The following DYNC1H1 variants were observed in gnomAD, a reference collection of about 807,000 sequenced individuals.
The protein encoded by DYNC1H1 is dynein cytoplasmic 1 heavy chain 1.
In DYNC1H1, 51 loss-of-function variants were observed where a neutral mutation model predicts 527.1. The observed-to-expected ratio is 0.10, with a 90% CI of 0.08 to 0.12. The LOEUF (loss-of-function observed/expected upper bound fraction) is 0.12. Among genes scored for constraint, DYNC1H1 ranks in the 10% least tolerant of loss-of-function variants. The probability of loss-of-function intolerance (pLI) is 1.00; values close to 1 mark genes in which losing one functional copy is unlikely to be tolerated. For missense variants in DYNC1H1, 2,771 were observed against 5,971.8 expected (o/e 0.46, Z 17.66); for synonymous variants, 2,189 against 2,278.8 (o/e 0.96, Z 1.12).
chr14:101,975,848 A>C (rs774675218), intron 2 of DYNC1H1, 49 bp downstream of exon 2: 1 of 1,357,124 alleles, frequency 7.4e-7, no homozygotes, highest in Non-Finnish European at 1.0e-6. Flanking sequence ...ATTTGTGAGA[A>C]TTAATATGAA....
Position 102,038,419 on chromosome 14 carries a change from A to G in DYNC1H1, c.10909-41A>G. ...ATAGCATTTGGGTGAAGATAAAGTTACAAAGCCCTGACCATCAAGTTCCAC... is the reference window on the plus strand; with the variant it reads ...ATAGCATTTGGGTGAAGATAAAGTTGCAAAGCCCTGACCATCAAGTTCCAC... On this transcript the variant is annotated intron_variant, in intron 57 of 77. Transcript: ENST00000360184. The surrounding 1 kb of genome is among the most constrained non-coding windows in gnomAD (Gnocchi z 7.2). The G allele has an allele frequency of 6.2e-7, 1 of 1,612,054 alleles. No individual in the cohort carries two copies.
Position 102,002,804 on chromosome 14 carries a change from G to A in DYNC1H1, c.4722G>A (p.Glu1574=), listed in dbSNP as rs754521119. 32 of 1,614,124 alleles carry A rather than the reference G, an allele frequency of 2.0e-5. No individual in the cohort carries two copies. In the Admixed American group the frequency reaches 4.2e-4, roughly 21 times the overall value. The part of the protein sequence containing the change: ...ETQRFQSIST[E]FLALMKKVSK... ...ATTTCATTTGTAGCATCAGCACTGA[G>A]TTTTTGGCTCTAATGAAAAAAGTGT... Residue 1574 remains glutamate (E), a synonymous_variant, in exon 23 of 78, where the codon GAG becomes GAA. Coordinates refer to ENST00000360184, the MANE Select transcript of DYNC1H1 (RefSeq NM_001376.5). The surrounding 1 kb of genome is among the most constrained non-coding windows in gnomAD (Gnocchi z 4.4).
rs751339671 is a variant in DYNC1H1, at chr14:102,018,557, C to T, written c.8284C>T (p.Leu2762=). 4 of 1,614,000 alleles carry T rather than the reference C, an allele frequency of 2.5e-6. No individual in the cohort carries two copies. The South Asian group carries it at 3.3e-5, about 13-fold the overall frequency. Residue 2762 remains leucine (L), a synonymous_variant, in exon 41 of 78, where the codon CTG becomes TTG. Transcript: ENST00000360184. This position sits in a 1 kb window ranked among gnomAD's most constrained non-coding sequence, Gnocchi z 5.2. ...CGCCATGCTGAGGCTCATTCCATCC[C>T]TGCGGACGTATGCAGAGCCGCTCAC... ...NRAMLRLIPS[L]RTYAEPLTAA...
chr14:102,016,351 A>G lies in DYNC1H1; in HGVS notation c.7476A>G (p.Arg2492=), dbSNP rs1050550035. 4 of 1,614,002 alleles carry G rather than the reference A, an allele frequency of 2.5e-6. No individual in the cohort carries two copies. Among genetic ancestry groups the G allele is most frequent in the African/African-American group, 2.7e-5 (2 of 74,864 alleles). ...AAGTTTAATTCCCTTTTTAATAGCG[A>G]TATCTGGTTTATGCCATACTCTGGT... is the stretch of plus-strand genomic sequence containing the variant. ...QIEQLERYIQ[R]YLVYAILWSL... is the part of the protein sequence containing the mutation. The change falls in exon 37 of 78, where the codon CGA becomes CGG. Residue 2492 remains arginine, a splice_region_variant and synonymous_variant. Coordinates refer to ENST00000360184, the MANE Select transcript of DYNC1H1 (RefSeq NM_001376.5). This position sits in a 1 kb window ranked among gnomAD's most constrained non-coding sequence, Gnocchi z 7.3.
intron 43 of DYNC1H1, 33 bp downstream of exon 43, chr14:102,022,913 T>A: frequency 6.2e-7 from 1 of 1,613,864 alleles, no homozygotes. Context: ...GACATACTTC[T>A]TTTTCTGCCA....
rs749388612 is a variant in DYNC1H1 at position 101,985,123 on chromosome 14, C to T, written c.1462-564C>T. ...ATCCCTTCCTCCATCTTGGAAGGAC[C>T]CTAGAGCCAGACTTCCTGGGTTTTA... On this transcript the variant is annotated intron_variant, in intron 7 of 77. Coordinates refer to ENST00000360184, the MANE Select transcript of DYNC1H1 (RefSeq NM_001376.5). This position sits in a 1 kb window ranked among gnomAD's most constrained non-coding sequence, Gnocchi z 5.9. Among the ~76,000 whole-genome samples the T allele has an allele frequency of 6.6e-6, 1 of 151,828 alleles. No individual in the cohort carries two copies. Among genetic ancestry groups the T allele is most frequent in the Admixed American group, 6.6e-5 (1 of 15,244 alleles).
chr14:102,030,925 C>T (rs2048503204), intron 51 of DYNC1H1, among the ~76,000 whole-genome samples: 1 of 152,026 alleles, frequency 6.6e-6, no homozygotes, highest in Non-Finnish European at 1.5e-5. Flanking sequence ...TGTGACCAGC[C>T]TGGGCAACAT....
At chr14:102,046,707 C>T (rs34509705) in intron 72 of DYNC1H1, among the ~76,000 whole-genome samples, 1 of 152,066 alleles carries the variant, frequency 6.6e-6, no homozygotes, top group African/African-American at 2.4e-5. Flanking sequence ...GGCTGAAAGC[C>T]GGCCGGGGCT....
chr14:101,979,687 A>G lies in DYNC1H1; in HGVS notation c.519-32A>G, dbSNP rs963880048. ...GGATCTCTTTGGAGACCAATAGCACACTAAATGTTGAGGTATGAAATCTGT... is the reference window on the plus strand; with the variant it reads ...GGATCTCTTTGGAGACCAATAGCACGCTAAATGTTGAGGTATGAAATCTGT... On this transcript the variant is annotated intron_variant, in intron 3 of 77. Coordinates refer to ENST00000360184, the MANE Select transcript of DYNC1H1 (RefSeq NM_001376.5). The surrounding 1 kb of genome is among the most constrained non-coding windows in gnomAD (Gnocchi z 4.6). The G allele has an allele frequency of 3.1e-6, 5 of 1,613,416 alleles. No homozygotes were observed. Among genetic ancestry groups the G allele is most frequent in the South Asian group, 1.1e-5 (1 of 91,080 alleles).
intron 7 of DYNC1H1, among the ~76,000 whole-genome samples, chr14:101,984,450 ATTTTT>A (rs34383305): frequency 1.4e-5 from 1 of 69,968 alleles, no homozygotes; most frequent in African/African-American, 6.5e-5. Context: ...TATATATTAT[ATTTTT>A]TTTTTTTTTT....
chr14:102,030,650 T>C, intron 51 of DYNC1H1: 1 of 302,180 alleles, frequency 3.3e-6, no homozygotes, highest in Non-Finnish European at 6.4e-6. Context: ...TGTAACTGTC[T>C]TGTAATTGTT....
intron 64 of DYNC1H1, 104 bp downstream of exon 64, chr14:102,040,777 T>C: frequency 1.5e-6 from 2 of 1,331,784 alleles, no homozygotes; most frequent in Middle Eastern, 3.6e-4. Flanking sequence ...CTGGGCAACA[T>C]AGTAAGGCCC....
chr14:102,043,946 A>T lies in DYNC1H1; in HGVS notation c.12585A>T (p.Arg4195=), dbSNP rs1233859479. Residue 4195 remains arginine, a synonymous_variant, in exon 70 of 78, where the codon CGA becomes CGT. Coordinates refer to ENST00000360184, the MANE Select transcript of DYNC1H1 (RefSeq NM_001376.5). ...ATGCGATCATCCAAGAACGCTTACG[A>T]TACGCACCACTGGGGTGGTCAAAGA... is the stretch of plus-strand genomic sequence containing the variant. The part of the protein sequence containing the change: ...WFHAIIQERL[R]YAPLGWSKKY... 3 of 1,614,100 alleles carry T rather than the reference A, an allele frequency of 1.9e-6. No individual in the cohort carries two copies. The highest frequency in any genetic ancestry group is 3.3e-5 in the Admixed American group (2 of 60,006).
chr14:101,964,581 G>T lies in DYNC1H1; in HGVS notation c.-111G>T, dbSNP rs1278237541. 1 of 1,520,104 alleles carries T rather than the reference G, an allele frequency of 6.6e-7. No homozygotes were observed. Among genetic ancestry groups the T allele is most frequent in the Non-Finnish European group, 8.8e-7 (1 of 1,138,348 alleles). 94.2% of individuals were successfully genotyped at this position (1,520,104 alleles called of 1,614,324 possible). The stretch of plus-strand genomic sequence containing the variant: ...CGGCTCCCGCTCTCCTCAGTCTGCG[G>T]TGGGCTAGCGGACGGTCCGGCTTCC... On this transcript the variant is annotated 5_prime_UTR_variant, in exon 1 of 78. Transcript: ENST00000360184. The surrounding 1 kb of genome is among the most constrained non-coding windows in gnomAD (Gnocchi z 5.5).
In DYNC1H1 at chr14:101,979,681, T is replaced by C; in HGVS notation, c.519-38T>C. On this transcript the variant is annotated intron_variant, in intron 3 of 77. Transcript: ENST00000360184. This position sits in a 1 kb window ranked among gnomAD's most constrained non-coding sequence, Gnocchi z 4.6. Reference sequence around the variant, plus strand: ...ATGATGGGATCTCTTTGGAGACCAATAGCACACTAAATGTTGAGGTATGAA... The same window carrying C: ...ATGATGGGATCTCTTTGGAGACCAACAGCACACTAAATGTTGAGGTATGAA... 3 of 1,613,252 alleles carry C rather than the reference T, an allele frequency of 1.9e-6. No homozygotes were observed. The highest frequency in any genetic ancestry group is 2.2e-5 in the East Asian group (1 of 44,882).
At chr14:101,990,533 A>T (rs1567000888) in intron 10 of DYNC1H1, among the ~76,000 whole-genome samples, 2 of 152,142 alleles carry the variant, frequency 1.3e-5, no homozygotes, top group African/African-American at 4.8e-5. Flanking sequence ...TGTAGTTCAG[A>T]CTGAAGTAGT....
intron 63 of DYNC1H1, 84 bp downstream of exon 63, chr14:102,040,494 C>T: frequency 1.2e-6 from 2 of 1,612,666 alleles, no homozygotes. Flanking sequence ...GTATAAAACC[C>T]AGAATGTTGT....
Position 102,041,938 on chromosome 14 carries a change from C to G in DYNC1H1, c.12103-75C>G. 1 of 1,550,316 alleles carries G rather than the reference C, an allele frequency of 6.5e-7. No individual in the cohort carries two copies. The highest frequency in any genetic ancestry group is 1.1e-5 in the South Asian group (1 of 88,526). On this transcript the variant is annotated intron_variant, in intron 65 of 77. Coordinates refer to ENST00000360184, the MANE Select transcript of DYNC1H1 (RefSeq NM_001376.5). This position sits in a 1 kb window ranked among gnomAD's most constrained non-coding sequence, Gnocchi z 4.5. The stretch of plus-strand genomic sequence containing the variant: ...AGAACATCTTCTCAGGCCCCTCACT[C>G]GGGGCTCTCCTTTCCCTTGACAGGT...
Position 102,029,464 on chromosome 14 carries a change from A to G in DYNC1H1, c.9469-75A>G. On this transcript the variant is annotated intron_variant, in intron 48 of 77. Coordinates refer to ENST00000360184, the MANE Select transcript of DYNC1H1 (RefSeq NM_001376.5). This position sits in a 1 kb window ranked among gnomAD's most constrained non-coding sequence, Gnocchi z 5.3. ...TTCTATCATGTCACACCCATCTGCC[A>G]AGGCCAAAATTGTTTTCTGAGGTTA... 2 of 1,597,510 alleles carry G rather than the reference A, an allele frequency of 1.3e-6. No homozygotes were observed. The highest frequency in any genetic ancestry group is 1.7e-6 in the Non-Finnish European group (2 of 1,170,370).
Sources: gnomAD v4.1 joint callset for allele counts (sites outside exome capture counted in the v4.1 genomes callset) on GRCh38, gnomAD v4.1.1 for gene constraint, Gnocchi (gnomAD v3.1) non-coding constraint, MANE v1.5 for transcripts, NCBI Gene and HGNC (gene_info 2026-07-23, HGNC 2026-07-21) for gene names.